The following DCDC1 variants were observed in gnomAD, a reference collection of about 807,000 sequenced individuals.
DCDC1 encodes doublecortin domain-containing protein 1.
Under a neutral mutation model 178.3 loss-of-function variants are expected in DCDC1, and 200 were observed. The ratio of observed to expected loss-of-function variants is 1.12; its 90% CI spans 1.00 to 1.26. The LOEUF (loss-of-function observed/expected upper bound fraction) is 1.26. Ranked by LOEUF, DCDC1 falls within the 50% of genes most tolerant of loss-of-function variation. The probability of loss-of-function intolerance (pLI) is 0.00; values close to 1 mark genes in which losing one functional copy is unlikely to be tolerated. For missense variants in DCDC1, 1,983 were observed against 1,749.2 expected, an observed-to-expected ratio of 1.13 and a Z score of -2.38; for synonymous variants, 690 against 604.8, an observed-to-expected ratio of 1.14 and a Z score of -2.07.
intron 11 of DCDC1, among the ~76,000 whole-genome samples, chr11:31,116,279 T>C (rs1228503311): frequency 1.3e-5 from 2 of 152,058 alleles, no homozygotes; most frequent in Non-Finnish European, 2.9e-5. Flanking sequence ...TATATGAAAA[T>C]TGAAATGAAA....
At chr11:30,965,258 C>T (rs964827390) in intron 20 of DCDC1, among the ~76,000 whole-genome samples, 1 of 152,188 alleles carries the variant, frequency 6.6e-6, no homozygotes, top group Non-Finnish European at 1.5e-5. Context: ...TGTTCTGTAT[C>T]TGACATGAGT....
Position 31,202,862 on chromosome 11 carries a change from C to A in DCDC1, c.1221+38588G>T, listed in dbSNP as rs558102494. Reference sequence around the variant, plus strand: ...GCCAGGAAAAAACAAGAAAATAAAACCCAGCAGCTGACCCACTGTTTCGAT... The same window carrying A: ...GCCAGGAAAAAACAAGAAAATAAAAACCAGCAGCTGACCCACTGTTTCGAT... On this transcript the variant is annotated intron_variant, in intron 9 of 38. Transcript: ENST00000684477. Among the ~76,000 whole-genome samples, 26 of 152,220 alleles carry A rather than the reference C, an allele frequency of 1.7e-4. No homozygotes were observed. In the South Asian group the frequency reaches 5.2e-3, roughly 30 times the overall value.
intron 20 of DCDC1, among the ~76,000 whole-genome samples, chr11:30,990,112 AC>A (rs1950889524): frequency 6.6e-6 from 1 of 152,178 alleles, no homozygotes; most frequent in Non-Finnish European, 1.5e-5. Flanking sequence ...AACAAAAGGC[AC>A]AATCAGAGCT....
At chr11:30,970,741 C>T (rs968166970) in intron 20 of DCDC1, among the ~76,000 whole-genome samples, 6 of 152,204 alleles carry the variant, frequency 3.9e-5, no homozygotes, top group African/African-American at 9.6e-5. Flanking sequence ...AGTAGCAGGG[C>T]CACAGCACAG....
chr11:30,957,719 GT>G (rs1407521362), intron 20 of DCDC1, among the ~76,000 whole-genome samples: 1 of 152,142 alleles, frequency 6.6e-6, no homozygotes, highest in Non-Finnish European at 1.5e-5. Context: ...GACATGCATG[GT>G]GAAGTGACTA....
rs5790842 is a variant in DCDC1 at position 30,878,716 on chromosome 11, TAAA to T, written c.5234-8_5234-6del. ...TCTCCATCAGTTGTTTTAACTCTGTTAAAAAAAAAAAAAAAAGAAGTTGAGAGA... is the reference window on the plus strand; with the variant it reads ...TCTCCATCAGTTGTTTTAACTCTGTTAAAAAAAAAAAAAGAAGTTGAGAGA... On this transcript the variant is annotated splice_region_variant and splice_polypyrimidine_tract_variant and intron_variant, in intron 37 of 38. Coordinates refer to ENST00000684477, the MANE Select transcript of DCDC1 (RefSeq NM_001387274.1). The T allele has an allele frequency of 5.1e-3, 7,008 of 1,374,522 alleles. No individual in the cohort carries two copies. The highest frequency in any genetic ancestry group is 0.012 in the South Asian group (863 of 69,140). 85.1% of individuals were successfully genotyped at this position (1,374,522 alleles called of 1,614,324 possible).
At chr11:30,941,716 C>T (rs957777056) in intron 21 of DCDC1, among the ~76,000 whole-genome samples, 3 of 151,950 alleles carry the variant, frequency 2.0e-5, no homozygotes, top group Non-Finnish European at 2.9e-5. Flanking sequence ...TTGAATCTTG[C>T]AATTATGTTG....
intron 21 of DCDC1, among the ~76,000 whole-genome samples, chr11:30,951,287 A>C (rs554396342): frequency 7.9e-5 from 12 of 152,306 alleles, no homozygotes; most frequent in African/African-American, 2.9e-4. Context: ...TTAGAATGAC[A>C]GCTGACCTCT....
intron 20 of DCDC1, among the ~76,000 whole-genome samples, chr11:30,996,184 G>A (rs1295941537): frequency 1.3e-5 from 2 of 152,102 alleles, no homozygotes; most frequent in Admixed American, 6.6e-5. Context: ...TTAGTCATTA[G>A]TAAATTGAAA....
At chr11:30,934,118 A>C (rs1018141636) in intron 21 of DCDC1, among the ~76,000 whole-genome samples, 1 of 152,182 alleles carries the variant, frequency 6.6e-6, no homozygotes, top group Non-Finnish European at 1.5e-5. Flanking sequence ...TGTTGATTAC[A>C]ATAGATGTAG....
chr11:31,285,603 T>C (rs901454145), intron 7 of DCDC1, among the ~76,000 whole-genome samples: 1 of 152,146 alleles, frequency 6.6e-6, no homozygotes, highest in African/African-American at 2.4e-5. Flanking sequence ...GCTTGAAAAT[T>C]TTCTTAATTT....
chr11:31,357,414 A>G (rs201669095), intron 1 of DCDC1, among the ~76,000 whole-genome samples: 68 of 146,048 alleles, frequency 4.7e-4, no homozygotes, highest in South Asian at 6.6e-4. Flanking sequence ...CTCTCAATAA[A>G]TTAGGTATTG....
At chr11:31,229,534 T>G (rs1165018788) in intron 9 of DCDC1, among the ~76,000 whole-genome samples, 1 of 151,986 alleles carries the variant, frequency 6.6e-6, no homozygotes, top group East Asian at 1.9e-4. Flanking sequence ...ATTATTGGAG[T>G]AAAAAGTATT....
At chr11:30,901,725 G>T (rs1232862864) in intron 32 of DCDC1, among the ~76,000 whole-genome samples, 1 of 152,108 alleles carries the variant, frequency 6.6e-6, no homozygotes, top group East Asian at 1.9e-4. Context: ...AAAGAAGAGT[G>T]TTTGAAATTG....
At chr11:30,907,827 G>T (rs1336267485) in intron 29 of DCDC1, among the ~76,000 whole-genome samples, 3 of 152,112 alleles carry the variant, frequency 2.0e-5, no homozygotes, top group Admixed American at 2.0e-4. Context: ...CAAAAAATGG[G>T]TTTTTTATTT....
intron 18 of DCDC1, among the ~76,000 whole-genome samples, chr11:31,066,559 C>G (rs1165263535): frequency 6.6e-6 from 1 of 152,074 alleles, no homozygotes; most frequent in Non-Finnish European, 1.5e-5. Context: ...AAAATAGATA[C>G]TAAATAACTT....
chr11:31,118,913 C>T (rs1178250791), intron 11 of DCDC1, among the ~76,000 whole-genome samples: 1 of 152,166 alleles, frequency 6.6e-6, no homozygotes, highest in African/African-American at 2.4e-5. Context: ...CTCTTCAGCA[C>T]ATCTTGAAAA....
chr11:31,199,632 C>T (rs1041585863), intron 9 of DCDC1, among the ~76,000 whole-genome samples: 3 of 152,066 alleles, frequency 2.0e-5, no homozygotes, highest in African/African-American at 7.2e-5. Flanking sequence ...TTTCACTCTG[C>T]TCTGACATTC....
chr11:30,983,021 G>A (rs1034930776), intron 20 of DCDC1, among the ~76,000 whole-genome samples: 10 of 152,090 alleles, frequency 6.6e-5, no homozygotes, highest in Non-Finnish European at 1.3e-4. Flanking sequence ...TTAAAAATAG[G>A]CTTTAAACTA....
Sources: allele counts gnomAD v4.1 joint callset (sites outside exome capture counted in the v4.1 genomes callset), GRCh38; gene constraint gnomAD v4.1.1; transcripts MANE v1.5; gene names NCBI Gene and HGNC (gene_info 2026-07-23, HGNC 2026-07-21).